The following WWOX variants were observed in gnomAD, a reference collection of about 807,000 sequenced individuals.
The protein encoded by WWOX is WW domain-containing oxidoreductase.
A neutral mutation model predicts 46.2 loss-of-function variants in WWOX; 69 were observed. The observed-to-expected ratio is 1.49, with a 90% confidence interval of 1.23 to 1.82. WWOX has a LOEUF of 1.82. WWOX is among the 40% of genes most tolerant of loss of function. WWOX has a pLI of 0.00. For synonymous variants in WWOX, 359 were observed against 202.6 expected (o/e 1.77, Z -6.56); for missense variants, 919 against 542.6 (o/e 1.69, Z -6.89).
chr16:78,793,555 G>C (rs1343829179), intron 8 of WWOX, among the ~76,000 whole-genome samples: 2 of 152,004 alleles, frequency 1.3e-5, no homozygotes, highest in Admixed American at 6.6e-5. Flanking sequence ...AATGATTCTG[G>C]TTATTAGCAT....
At chr16:78,679,945 A>C (rs886838532) in intron 8 of WWOX, among the ~76,000 whole-genome samples, 11 of 152,166 alleles carry the variant, frequency 7.2e-5, no homozygotes, top group Non-Finnish European at 1.5e-4. Context: ...GTGCCTTGCA[A>C]ATCCTCTAGT....
intron 5 of WWOX, among the ~76,000 whole-genome samples, chr16:78,332,422 G>T (rs1377768417): frequency 1.8e-4 from 27 of 152,192 alleles, no homozygotes; most frequent in Admixed American, 1.8e-3. Flanking sequence ...CTCCAGCGGA[G>T]TAGCCTGTGA....
intron 8 of WWOX, among the ~76,000 whole-genome samples, chr16:79,149,569 G>A (rs1458708372): frequency 1.3e-5 from 2 of 152,180 alleles, no homozygotes; most frequent in Non-Finnish European, 2.9e-5. Context: ...CCTTCCTAGG[G>A]ACGGTCTCAA....
chr16:78,737,581 C>G (rs911535106), intron 8 of WWOX, among the ~76,000 whole-genome samples: 1 of 152,174 alleles, frequency 6.6e-6, no homozygotes, highest in Non-Finnish European at 1.5e-5. Flanking sequence ...TTATTCCTCA[C>G]CCTACTCCCA....
chr16:78,764,027 C>A (rs2049864399), intron 8 of WWOX, among the ~76,000 whole-genome samples: 1 of 152,188 alleles, frequency 6.6e-6, no homozygotes, highest in South Asian at 2.1e-4. Flanking sequence ...CTTGGAGTGG[C>A]ACCAGCTGCG....
chr16:78,790,103 T>C (rs999437473), intron 8 of WWOX, among the ~76,000 whole-genome samples: 1 of 152,102 alleles, frequency 6.6e-6, no homozygotes, highest in African/African-American at 2.4e-5. Flanking sequence ...TAAAATCGAG[T>C]ACTGTTATTG....
intron 8 of WWOX, among the ~76,000 whole-genome samples, chr16:78,652,863 C>T (rs577486196): frequency 9.2e-5 from 14 of 152,200 alleles, no homozygotes; most frequent in African/African-American, 2.4e-4. Context: ...AGGCATAAAA[C>T]GTGATTTGAC....
intron 5 of WWOX, chr16:78,266,081 C>T (rs2079355981): frequency 6.6e-6 from 1 of 152,180 alleles, no homozygotes. Context: ...TCCCCTGCAT[C>T]AAACTGTCTC....
intron 8 of WWOX, among the ~76,000 whole-genome samples, chr16:78,873,740 T>C: frequency 6.6e-6 from 1 of 152,088 alleles, no homozygotes; most frequent in East Asian, 1.9e-4. Context: ...AGAGAGCTGT[T>C]ATTGTACCAC....
chr16:78,689,577 C>G (rs2047939521), intron 8 of WWOX, among the ~76,000 whole-genome samples: 1 of 152,206 alleles, frequency 6.6e-6, no homozygotes, highest in African/African-American at 2.4e-5. Context: ...CTTCACCCTT[C>G]ATGTCTGATC....
At chr16:78,267,609 C>T (rs1160292774) in intron 5 of WWOX, among the ~76,000 whole-genome samples, 1 of 152,216 alleles carries the variant, frequency 6.6e-6, no homozygotes, top group East Asian at 1.9e-4. Context: ...GCAGCGAAAT[C>T]CAGGCATGGA....
At chr16:78,430,556 A>T (rs779458987) in intron 7 of WWOX, among the ~76,000 whole-genome samples, 1 of 152,108 alleles carries the variant, frequency 6.6e-6, no homozygotes, top group Non-Finnish European at 1.5e-5. Flanking sequence ...CATCCCTGCT[A>T]CCATCACCAG....
At chr16:78,626,519 T>G (rs1399916841) in intron 8 of WWOX, among the ~76,000 whole-genome samples, 3 of 152,176 alleles carry the variant, frequency 2.0e-5, no homozygotes, top group African/African-American at 4.8e-5. Context: ...AGGTCTGTTT[T>G]CATCACATCG....
chr16:79,014,434 G>A (rs961047536), intron 8 of WWOX, among the ~76,000 whole-genome samples: 1 of 152,250 alleles, frequency 6.6e-6, no homozygotes, highest in East Asian at 1.9e-4. Flanking sequence ...TGTTTTCCTG[G>A]ATCGTCCCTC....
At chr16:78,887,077 GGTGTGTGTGTGTGTGTGTGTGTGT>G (rs749992495) in intron 8 of WWOX, among the ~76,000 whole-genome samples, 15 of 61,376 alleles carry the variant, frequency 2.4e-4, no homozygotes, top group Non-Finnish European at 3.2e-4. Flanking sequence ...GTGTGTGTGT[GGTGTGTGTGTGTGTGTGTGTGTGT>G]GTGTGTGTGT....
intron 8 of WWOX, among the ~76,000 whole-genome samples, chr16:78,608,404 C>T (rs1031972080): frequency 6.6e-6 from 1 of 152,236 alleles, no homozygotes; most frequent in African/African-American, 2.4e-5. Context: ...GCCTGTGCTA[C>T]ATAACTGTCT....
At chr16:78,362,888 G>C (rs538233414) in intron 5 of WWOX, among the ~76,000 whole-genome samples, 1 of 152,194 alleles carries the variant, frequency 6.6e-6, no homozygotes, top group Non-Finnish European at 1.5e-5. Flanking sequence ...TGCTAAATGC[G>C]TAAAGGAGGT....
At chr16:78,828,645 T>G (rs1053607829) in intron 8 of WWOX, among the ~76,000 whole-genome samples, 5 of 152,232 alleles carry the variant, frequency 3.3e-5, no homozygotes, top group Non-Finnish European at 5.9e-5. Flanking sequence ...TATCATTATT[T>G]ACAAAACTTC....
chr16:78,938,940 A>G (rs1411909623), intron 8 of WWOX, among the ~76,000 whole-genome samples: 4 of 152,214 alleles, frequency 2.6e-5, no homozygotes, highest in Admixed American at 2.6e-4. Context: ...GCTTAGCACA[A>G]CTGAAAAATA....
Sources: gnomAD v4.1 joint callset for allele counts (sites outside exome capture counted in the v4.1 genomes callset) on GRCh38, gnomAD v4.1.1 for gene constraint, MANE v1.5 for transcripts, NCBI Gene and HGNC (gene_info 2026-07-23, HGNC 2026-07-21) for gene names.